Variants in CACNA1C observed in about 807,000 individuals in gnomAD.
CACNA1C encodes the protein calcium voltage-gated channel subunit alpha1 C.
Under a neutral mutation model 229.0 loss-of-function variants are expected in CACNA1C, and 30 were observed. That is an observed-to-expected ratio of 0.13 (90% CI 0.10 to 0.18). The LOEUF (loss-of-function observed/expected upper bound fraction) is 0.18. CACNA1C is among the 10% of genes least tolerant of loss of function. The pLI is 1.00. For synonymous variants in CACNA1C, 1,114 were observed against 1,132.5 expected (o/e 0.98, Z 0.33); for missense variants, 1,658 against 2,845.0 (o/e 0.58, Z 9.49).
chr12:2,099,018 C>T (rs1386565997), intron 1 of CACNA1C, among the ~76,000 whole-genome samples: 3 of 152,170 alleles, frequency 2.0e-5, no homozygotes, highest in African/African-American at 7.2e-5. Context: ...AGCCACGTGG[C>T]TGTGTGGCTG....
At chr12:2,104,666 C>T (rs948533834) in intron 1 of CACNA1C, among the ~76,000 whole-genome samples, 1 of 152,150 alleles carries the variant, frequency 6.6e-6, no homozygotes, top group African/African-American at 2.4e-5. Context: ...AAAGGGAATG[C>T]TTCCAGTTTT....
At chr12:2,240,706 C>G (rs1305406564) in intron 3 of CACNA1C, among the ~76,000 whole-genome samples, 1 of 152,172 alleles carries the variant, frequency 6.6e-6, no homozygotes, top group African/African-American at 2.4e-5. Flanking sequence ...GGACAAGGTG[C>G]CTTCTCCACC....
At chr12:2,498,042 TC>T (rs1391620202) in intron 7 of CACNA1C, among the ~76,000 whole-genome samples, 3 of 151,810 alleles carry the variant, frequency 2.0e-5, no homozygotes, top group Non-Finnish European at 4.4e-5. Context: ...TGCTGAAATA[TC>T]CCTCGTTTAT....
chr12:2,680,534 A>G, intron 42 of CACNA1C: 1 of 1,573,692 alleles, frequency 6.4e-7, no homozygotes, highest in Non-Finnish European at 8.6e-7. Flanking sequence ...CCAGAGTAGG[A>G]GAGTGGCTCC....
chr12:2,525,586 C>A (rs777523745), intron 9 of CACNA1C, among the ~76,000 whole-genome samples: 1 of 152,194 alleles, frequency 6.6e-6, no homozygotes, highest in Non-Finnish European at 1.5e-5. Context: ...ATAAACACAC[C>A]CACAAGCAGT....
In CACNA1C at chr12:2,152,887, A is replaced by G. The variant is rs1449103329; in HGVS notation, c.477+32457A>G. ...AGGTCCCACTGGTCCCGAGTGTCCT[A>G]CGGCCCTTTATATTGGATAATATTG... On this transcript the variant is annotated intron_variant, in intron 3 of 46. Coordinates refer to ENST00000399655, the MANE Select transcript of CACNA1C (RefSeq NM_000719.7). This position sits in a 1 kb window ranked among gnomAD's most constrained non-coding sequence, Gnocchi z 4.2. Among the ~76,000 whole-genome samples, 1 of 152,154 alleles carries G rather than the reference A, an allele frequency of 6.6e-6. No individual in the cohort carries two copies. Among genetic ancestry groups the G allele is most frequent in the African/African-American group, 2.4e-5 (1 of 41,438 alleles).
At chr12:2,476,997 C>T (rs528586566) in intron 5 of CACNA1C, among the ~76,000 whole-genome samples, 1 of 152,212 alleles carries the variant, frequency 6.6e-6, no homozygotes, top group Non-Finnish European at 1.5e-5. Flanking sequence ...GCTTGATAAA[C>T]TTACTCCTTT....
At chr12:2,588,751 G>A (rs963750947) in intron 18 of CACNA1C, among the ~76,000 whole-genome samples, 2 of 152,176 alleles carry the variant, frequency 1.3e-5, no homozygotes, top group Admixed American at 6.5e-5. Context: ...GAAAAGGAAA[G>A]CATTGTGCCC....
intron 3 of CACNA1C, among the ~76,000 whole-genome samples, chr12:2,295,310 C>T (rs1343966561): frequency 1.3e-5 from 2 of 152,168 alleles, no homozygotes. Context: ...CTCTGGCAAC[C>T]CCAACTAACA....
chr12:1,987,308 T>G (rs959488299), intron 1 of CACNA1C, among the ~76,000 whole-genome samples: 2 of 152,218 alleles, frequency 1.3e-5, no homozygotes, highest in African/African-American at 4.8e-5. Flanking sequence ...TATGCTACTC[T>G]TAAACAGGTG....
intron 3 of CACNA1C, among the ~76,000 whole-genome samples, chr12:2,345,151 G>A (rs1417411013): frequency 1.3e-5 from 2 of 151,614 alleles, no homozygotes; most frequent in Non-Finnish European, 1.5e-5. Context: ...AGAAGGCTCA[G>A]TCCCTCTGAG....
intron 3 of CACNA1C, among the ~76,000 whole-genome samples, chr12:2,267,800 G>A (rs1047058971): frequency 6.6e-6 from 1 of 152,178 alleles, no homozygotes; most frequent in African/African-American, 2.4e-5. Flanking sequence ...GGAGCCTGCT[G>A]GAATTCCTTC....
chr12:2,310,351 AAAT>A (rs1173976169), intron 3 of CACNA1C, among the ~76,000 whole-genome samples: 10 of 143,744 alleles, frequency 7.0e-5, no homozygotes, highest in South Asian at 2.3e-4. Context: ...TTAAAAAAAA[AAAT>A]ATATATATAT....
intron 3 of CACNA1C, among the ~76,000 whole-genome samples, chr12:2,186,251 G>T (rs574085608): frequency 6.6e-6 from 1 of 152,148 alleles, no homozygotes; most frequent in Non-Finnish European, 1.5e-5. Context: ...CCGGCATTTA[G>T]TCACAGTCCC....
At chr12:2,513,917 A>G (rs2099790568) in intron 9 of CACNA1C, among the ~76,000 whole-genome samples, 1 of 152,138 alleles carries the variant, frequency 6.6e-6, no homozygotes, top group Admixed American at 6.5e-5. Flanking sequence ...ACCACTCTCT[A>G]TATCTCATTT....
At position 2,424,892 on chromosome 12, in the gene CACNA1C, A is replaced by G. The variant is rs535395733; in HGVS notation, c.478-24084A>G. On this transcript the variant is annotated intron_variant, in intron 3 of 46. Transcript: ENST00000399655. ...ATGACAAGGCCAGGTCCTTGTCTGC[A>G]GTGTCACAGGGCTGTGGTCCTCTAT... Among the ~76,000 whole-genome samples the G allele has an allele frequency of 2.6e-5, 4 of 152,332 alleles. No homozygotes were observed. The South Asian group carries it at 8.3e-4, about 32-fold the overall frequency.
chr12:2,025,564 G>A (rs547028058), intron 1 of CACNA1C, among the ~76,000 whole-genome samples: 2 of 152,174 alleles, frequency 1.3e-5, no homozygotes, highest in African/African-American at 2.4e-5. Flanking sequence ...AGTTTGGGCC[G>A]TCCTGTTTTC....
chr12:2,090,497 T>C lies in CACNA1C; in HGVS notation c.50-24727T>C, dbSNP rs925559757. On this transcript the variant is annotated intron_variant, in intron 1 of 46. Transcript: ENST00000399655. The stretch of plus-strand genomic sequence containing the variant: ...CCTGCCTGGCTAATTTTTGTATTCT[T>C]AGTAGAGACAGGGTTTCACCATGTT... Among the ~76,000 whole-genome samples the C allele has an allele frequency of 6.6e-5, 10 of 151,946 alleles. 1 individual carries two copies. The highest frequency in any genetic ancestry group is 6.6e-4 in the Admixed American group (10 of 15,248).
intron 3 of CACNA1C, among the ~76,000 whole-genome samples, chr12:2,220,106 C>A (rs78757378): frequency 0.025 from 3,781 of 152,290 alleles, 157 homozygotes; most frequent in African/African-American, 0.086. Context: ...CATCTGGGCT[C>A]CCCTGTTCTC....
Sources: gnomAD v4.1 joint callset for allele counts (sites outside exome capture counted in the v4.1 genomes callset) on GRCh38, gnomAD v4.1.1 for gene constraint, Gnocchi (gnomAD v3.1) non-coding constraint, MANE v1.5 for transcripts, NCBI Gene and HGNC (gene_info 2026-07-23, HGNC 2026-07-21) for gene names.